The following BCKDHB variants were observed in gnomAD, a reference collection of about 807,000 sequenced individuals.
The protein encoded by BCKDHB is 2-oxoisovalerate dehydrogenase subunit beta, mitochondrial.
BCKDHB carries 41 observed loss-of-function variants against 48.5 expected under a neutral mutation model. The observed-to-expected ratio is 0.85, with a 90% CI of 0.66 to 1.10. BCKDHB has a LOEUF of 1.10. Ranked by LOEUF, BCKDHB falls within the 50% of genes least tolerant of loss-of-function variation. BCKDHB has a pLI of 0.00. For synonymous variants in BCKDHB, 201 were observed against 174.8 expected (o/e 1.15, Z -1.18); for missense variants, 496 against 494.2 (o/e 1.00, Z -0.03).
chr6:80,413,787 C>T, the BCKDHB span, among the ~76,000 whole-genome samples: 2 of 152,204 alleles, frequency 1.3e-5, no homozygotes, highest in African/African-American at 2.4e-5. Context: ...TATGGTAGAA[C>T]AGTTTATATT....
chr6:80,132,690 A>G (rs907684778), intron 3 of BCKDHB, among the ~76,000 whole-genome samples: 3 of 152,172 alleles, frequency 2.0e-5, no homozygotes, highest in African/African-American at 7.2e-5. Context: ...GTGAATTTTT[A>G]CAATAGTTTT....
chr6:80,330,736 T>G (rs1433446595), intron 9 of BCKDHB, among the ~76,000 whole-genome samples: 1 of 152,178 alleles, frequency 6.6e-6, no homozygotes, highest in South Asian at 2.1e-4. Flanking sequence ...TTGAAATGTG[T>G]GCTTCTTTTA....
At chr6:80,226,975 G>A (rs1775707484) in intron 8 of BCKDHB, among the ~76,000 whole-genome samples, 1 of 151,974 alleles carries the variant, frequency 6.6e-6, no homozygotes. Context: ...TTTCCACTTT[G>A]TAAAACTGAG....
chr6:80,335,292 C>T (rs1769526740), intron 9 of BCKDHB, among the ~76,000 whole-genome samples: 1 of 150,562 alleles, frequency 6.6e-6, no homozygotes, highest in African/African-American at 2.4e-5. Context: ...AGCCACTTTT[C>T]AGGAGTATTT....
chr6:80,379,964 T>G, the BCKDHB span, among the ~76,000 whole-genome samples: 8 of 152,218 alleles, frequency 5.3e-5, no homozygotes, highest in African/African-American at 1.9e-4. Context: ...AAATACCCCA[T>G]GCTCATGGAT....
chr6:80,218,011 A>G (rs556482674), intron 8 of BCKDHB, among the ~76,000 whole-genome samples: 4 of 152,250 alleles, frequency 2.6e-5, no homozygotes, highest in African/African-American at 4.8e-5. Flanking sequence ...GCATGGTACT[A>G]TATTTCTCTG....
intron 9 of BCKDHB, among the ~76,000 whole-genome samples, chr6:80,309,707 C>A (rs1768057529): frequency 6.6e-6 from 1 of 151,974 alleles, no homozygotes; most frequent in Non-Finnish European, 1.5e-5. Flanking sequence ...TACCATTTTA[C>A]TTGTTAAAAC....
the BCKDHB span, among the ~76,000 whole-genome samples, chr6:80,401,470 T>C: frequency 6.6e-6 from 1 of 151,964 alleles, no homozygotes; most frequent in South Asian, 2.1e-4. Flanking sequence ...GGTTTGGCTC[T>C]GTGTCCTCAC....
At chr6:80,423,404 G>T in the BCKDHB span, among the ~76,000 whole-genome samples, 1 of 152,180 alleles carries the variant, frequency 6.6e-6, no homozygotes, top group Non-Finnish European at 1.5e-5. Flanking sequence ...GTCTGTGATT[G>T]GTTGAGAAAT....
chr6:80,143,927 C>T (rs1474786108), intron 3 of BCKDHB, among the ~76,000 whole-genome samples: 1 of 152,110 alleles, frequency 6.6e-6, no homozygotes, highest in Non-Finnish European at 1.5e-5. Flanking sequence ...GCATGCTGTT[C>T]ATTTAACCCA....
At chr6:80,463,605 A>AT in the BCKDHB span, among the ~76,000 whole-genome samples, 1 of 151,792 alleles carries the variant, frequency 6.6e-6, no homozygotes, top group Non-Finnish European at 1.5e-5. Context: ...TTTTTCCAAA[A>AT]TTTGAAAGGT....
chr6:80,221,177 C>T (rs1775434102), intron 8 of BCKDHB, among the ~76,000 whole-genome samples: 1 of 152,166 alleles, frequency 6.6e-6, no homozygotes, highest in Admixed American at 6.5e-5. Context: ...ATGAGCTCAT[C>T]TTCTCTCTGG....
chr6:80,269,197 T>C (rs1777632077), intron 8 of BCKDHB, among the ~76,000 whole-genome samples: 1 of 152,014 alleles, frequency 6.6e-6, no homozygotes, highest in African/African-American at 2.4e-5. Flanking sequence ...GGAAAAGTCA[T>C]AGAGTGGCCA....
intron 3 of BCKDHB, among the ~76,000 whole-genome samples, chr6:80,142,213 T>C (rs1771254352): frequency 6.6e-6 from 1 of 152,062 alleles, no homozygotes; most frequent in Non-Finnish European, 1.5e-5. Flanking sequence ...AAATTTATTT[T>C]ATTGAGTAAT....
intron 8 of BCKDHB, among the ~76,000 whole-genome samples, chr6:80,271,205 C>T (rs73748768): frequency 0.016 from 2,469 of 152,194 alleles, 61 homozygotes; most frequent in African/African-American, 0.056. Context: ...AAGATTATAT[C>T]GTCCTGCAAC....
chr6:80,215,753 T>C (rs909667530), intron 8 of BCKDHB, among the ~76,000 whole-genome samples: 1 of 152,228 alleles, frequency 6.6e-6, no homozygotes, highest in African/African-American at 2.4e-5. Flanking sequence ...TATATACTTT[T>C]TGTTTTTTTG....
At chr6:80,457,940 CT>C in the BCKDHB span, among the ~76,000 whole-genome samples, 1 of 152,330 alleles carries the variant, frequency 6.6e-6, no homozygotes. Context: ...ATTCTCAGCA[CT>C]TGTGTATTTT....
the BCKDHB span, among the ~76,000 whole-genome samples, chr6:80,408,403 T>A: frequency 6.6e-6 from 1 of 152,194 alleles, no homozygotes; most frequent in African/African-American, 2.4e-5. Context: ...CTTTTTCTTT[T>A]GATTGGAATA....
the BCKDHB span, among the ~76,000 whole-genome samples, chr6:80,450,245 A>ACATTTG: frequency 1.3e-5 from 2 of 152,218 alleles, no homozygotes; most frequent in Non-Finnish European, 2.9e-5. Flanking sequence ...AATGAAGTGT[A>ACATTTG]AAAGTAAAAG....
Sources: allele counts gnomAD v4.1 joint callset (sites outside exome capture counted in the v4.1 genomes callset), GRCh38; gene constraint gnomAD v4.1.1; transcripts MANE v1.5; gene names NCBI Gene and HGNC (gene_info 2026-07-23, HGNC 2026-07-21).